ZFPM2: variants seen among roughly 807,000 people sequenced by gnomAD.
The protein encoded by ZFPM2 is zinc finger protein, FOG family member 2.
ZFPM2 carries 20 observed loss-of-function variants against 98.6 expected under a neutral mutation model. The observed-to-expected ratio is 0.20, with a 90% CI of 0.14 to 0.29. The LOEUF (loss-of-function observed/expected upper bound fraction) is 0.29. Ranked by LOEUF, ZFPM2 falls within the 10% of genes least tolerant of loss-of-function variation. The pLI, the probability that ZFPM2 is intolerant of heterozygous loss-of-function variation, is 1.00. For missense variants in ZFPM2, 1,310 were observed against 1,388.6 expected (o/e 0.94, Z 0.90); for synonymous variants, 518 against 502.7 (o/e 1.03, Z -0.41).
chr8:105,321,248 A>G (rs1207406974), intron 1 of ZFPM2, among the ~76,000 whole-genome samples: 2 of 152,064 alleles, frequency 1.3e-5, no homozygotes, highest in African/African-American at 2.4e-5. Context: ...GCAGATGGAG[A>G]AGTTTGTGTT....
Position 105,802,479 on chromosome 8 carries a change from G to A in ZFPM2, c.2397G>A (p.Leu799=). Residue 799 remains leucine, a synonymous_variant, in exon 8 of 8, where the codon TTG becomes TTA. Coordinates refer to ENST00000407775, the MANE Select transcript of ZFPM2 (RefSeq NM_012082.4). ...DIFPGIVSKH[L]ETSLTINKCV... Reference sequence around the variant, plus strand: ...TTCCAGGAATTGTCTCTAAACACTTGGAAACTTCTCTGACGATCAACAAGT... The same window carrying A: ...TTCCAGGAATTGTCTCTAAACACTTAGAAACTTCTCTGACGATCAACAAGT... 3.1e-6 allele frequency: 5 copies of A among 1,613,242 alleles called. No homozygotes were observed. Among genetic ancestry groups the A allele is most frequent in the Non-Finnish European group, 4.2e-6 (5 of 1,179,622 alleles).
intron 4 of ZFPM2, among the ~76,000 whole-genome samples, chr8:105,613,666 C>T (rs1022832741): frequency 1.3e-5 from 2 of 152,042 alleles, no homozygotes; most frequent in Admixed American, 6.6e-5. Flanking sequence ...CCTAGTAGGA[C>T]CCATTCACTT....
chr8:105,388,867 A>T (rs1811052017), intron 1 of ZFPM2, among the ~76,000 whole-genome samples: 1 of 152,150 alleles, frequency 6.6e-6, no homozygotes, highest in Non-Finnish European at 1.5e-5. Flanking sequence ...AGAACTCAGA[A>T]CTGTTTCTGT....
chr8:105,784,577 G>A lies in ZFPM2; in HGVS notation c.533-4141G>A, dbSNP rs1427465283. On this transcript the variant is annotated intron_variant, in intron 5 of 7. Transcript: ENST00000407775. ...ACAATTATATAAACATTTATTATAT[G>A]TTATTTATTATATGATTATATGTCA... Among the ~76,000 whole-genome samples the A allele has an allele frequency of 2.1e-5, 3 of 145,804 alleles. No homozygotes were observed. The East Asian group carries it at 5.8e-4, about 28-fold the overall frequency.
intron 4 of ZFPM2, among the ~76,000 whole-genome samples, chr8:105,569,608 G>A (rs561642244): frequency 3.3e-5 from 5 of 152,314 alleles, no homozygotes; most frequent in South Asian, 4.1e-4. Flanking sequence ...GAGAAAAGTT[G>A]ACTAATTTCG....
intron 5 of ZFPM2, among the ~76,000 whole-genome samples, chr8:105,758,260 G>A (rs1376033636): frequency 3.3e-5 from 5 of 151,980 alleles, no homozygotes; most frequent in South Asian, 2.1e-4. Flanking sequence ...ACAAATTATG[G>A]GATCAATGAA....
intron 6 of ZFPM2, among the ~76,000 whole-genome samples, chr8:105,793,740 G>T (rs1454564891): frequency 1.3e-5 from 2 of 151,762 alleles, no homozygotes; most frequent in African/African-American, 4.9e-5. Context: ...ACGTAGATTT[G>T]GTCTTTTCAC....
chr8:105,770,310 TG>T (rs1812951832), intron 5 of ZFPM2, among the ~76,000 whole-genome samples: 1 of 152,090 alleles, frequency 6.6e-6, no homozygotes, highest in South Asian at 2.1e-4. Flanking sequence ...GCCAGAGAGA[TG>T]AGCTATGGCA....
intron 3 of ZFPM2, among the ~76,000 whole-genome samples, chr8:105,558,258 C>T (rs1008585262): frequency 8.5e-5 from 13 of 152,146 alleles, no homozygotes; most frequent in Admixed American, 5.2e-4. Context: ...TAATTATTTG[C>T]GCTATGCTTG....
chr8:105,767,452 C>T (rs918723408), intron 5 of ZFPM2, among the ~76,000 whole-genome samples: 2 of 151,750 alleles, frequency 1.3e-5, no homozygotes, highest in African/African-American at 4.8e-5. Context: ...ACACTGGTAT[C>T]AGGTAAGGAT....
intron 1 of ZFPM2, among the ~76,000 whole-genome samples, chr8:105,342,959 G>A (rs1812456612): frequency 6.6e-6 from 1 of 152,020 alleles, no homozygotes; most frequent in Non-Finnish European, 1.5e-5. Flanking sequence ...TCTGGAGGCA[G>A]ACTCAAGTGC....
chr8:105,636,741 A>G lies in ZFPM2; in HGVS notation c.532+2384A>G, dbSNP rs117070986. Among the ~76,000 whole-genome samples, 1,165 of 152,292 alleles carry G rather than the reference A, an allele frequency of 7.6e-3. 2 individuals carry two copies. The highest frequency in any genetic ancestry group is 0.027 in the Middle Eastern group (8 of 294). On this transcript the variant is annotated intron_variant, in intron 5 of 7. Coordinates refer to ENST00000407775, the MANE Select transcript of ZFPM2 (RefSeq NM_012082.4). ...CCAGACACTGAAATAGACATTTCACATACTGTGATGATGAACTGTATGAAT... is the reference window on the plus strand; with the variant it reads ...CCAGACACTGAAATAGACATTTCACGTACTGTGATGATGAACTGTATGAAT...
intron 5 of ZFPM2, among the ~76,000 whole-genome samples, chr8:105,711,607 C>CTA (rs1231380243): frequency 6.6e-6 from 1 of 152,118 alleles, no homozygotes; most frequent in East Asian, 1.9e-4. Flanking sequence ...AGAGTGCATA[C>CTA]TATATATACC....
At chr8:105,332,317 G>A (rs558827647) in intron 1 of ZFPM2, among the ~76,000 whole-genome samples, 610 of 151,762 alleles carry the variant, frequency 4.0e-3, no homozygotes, top group Non-Finnish European at 5.5e-3. Flanking sequence ...AGCTCTCTGG[G>A]TGTGTGACCT....
chr8:105,662,744 A>G (rs1468366485), intron 5 of ZFPM2: 1 of 151,500 alleles, frequency 6.6e-6, no homozygotes, highest in Non-Finnish European at 1.5e-5. Context: ...ATTACTCAAT[A>G]TACTAATATA....
chr8:105,496,803 A>G (rs1586415967), intron 3 of ZFPM2, among the ~76,000 whole-genome samples: 1 of 149,144 alleles, frequency 6.7e-6, no homozygotes, highest in South Asian at 2.1e-4. Context: ...ACCAACATGG[A>G]GAAACCCTGT....
In ZFPM2 at chr8:105,778,894, CTT is replaced by C. The variant is rs58159246; in HGVS notation, c.533-9808_533-9807del. Among the ~76,000 whole-genome samples the C allele has an allele frequency of 4.1e-3, 536 of 132,292 alleles. 3 individuals are homozygous for C. The highest frequency in any genetic ancestry group is 0.013 in the African/African-American group (468 of 37,260). The allele number at this position is 132,292 out of a possible 152,430, so 86.8% of individuals were successfully genotyped here. On this transcript the variant is annotated intron_variant, in intron 5 of 7. Transcript: ENST00000407775. ...GAGCCTGATTCACAGAAACTGTCAT[CTT>C]TTTTTTTTTTTTTTTACGCATACGT...
chr8:105,455,381 A>G (rs1291847256), intron 3 of ZFPM2, among the ~76,000 whole-genome samples: 1 of 152,180 alleles, frequency 6.6e-6, no homozygotes, highest in East Asian at 1.9e-4. Context: ...CAGAATATGC[A>G]GCTTTTTCAA....
At chr8:105,767,871 GT>G (rs1366870790) in intron 5 of ZFPM2, among the ~76,000 whole-genome samples, 1 of 151,770 alleles carries the variant, frequency 6.6e-6, no homozygotes, top group East Asian at 1.9e-4. Flanking sequence ...AAATTTAGAT[GT>G]TTGAAAAAAC....
Sources: gnomAD v4.1 joint callset for allele counts (sites outside exome capture counted in the v4.1 genomes callset) on GRCh38, gnomAD v4.1.1 for gene constraint, MANE v1.5 for transcripts, NCBI Gene and HGNC (gene_info 2026-07-23, HGNC 2026-07-21) for gene names.